Variants in INTS1 observed in about 807,000 individuals in gnomAD.
INTS1 encodes the protein integrator complex subunit 1.
Under a neutral mutation model 241.6 loss-of-function variants are expected in INTS1, and 137 were observed. The observed-to-expected ratio is 0.57, with a 90% CI of 0.49 to 0.65. The LOEUF (loss-of-function observed/expected upper bound fraction) is 0.65, where lower values mean the gene tolerates loss of function less well. Ranked by LOEUF, INTS1 falls within the 30% of genes least tolerant of loss-of-function variation. The pLI is 0.00. For missense variants in INTS1, 3,073 were observed against 3,032.2 expected, an observed-to-expected ratio of 1.01 and a Z score of -0.32; for synonymous variants, 1,692 against 1,337.8, an observed-to-expected ratio of 1.26 and a Z score of -5.78.
In INTS1 at chr7:1,496,279, C is replaced by T. The variant is rs200228256; in HGVS notation, c.1603-15G>A. On this transcript the variant is annotated splice_polypyrimidine_tract_variant and intron_variant, in intron 11 of 47. Coordinates refer to ENST00000404767, the MANE Select transcript of INTS1 (RefSeq NM_001080453.3). ...ACGAAGCGCTCCTGCAGGTGCAGCA[C>T]GGGGTCTGTATCCAGAAGGGACACC... 3.3e-4 allele frequency: 525 copies of T among 1,611,000 alleles called. 3 individuals carry two copies. In the African/African-American group the frequency reaches 6.0e-3, roughly 18 times the overall value.
intron 3 of INTS1, among the ~76,000 whole-genome samples, chr7:1,502,395 T>C (rs571103378): frequency 3.9e-5 from 6 of 152,112 alleles, no homozygotes; most frequent in Admixed American, 3.3e-4. Context: ...GGGACAGTGG[T>C]GAAGCTTACA....
chr7:1,500,047 GGGA>G, intron 4 of INTS1, 26 bp from the exon 5 acceptor site: 3 of 1,609,786 alleles, frequency 1.9e-6, no homozygotes, highest in Non-Finnish European at 2.5e-6. Context: ...CATGTCACGT[GGGA>G]GCTTCGCTGG....
intron 24 of INTS1, among the ~76,000 whole-genome samples, 152 bp from the exon 25 acceptor site, chr7:1,484,322 G>C (rs1312742716): frequency 2.0e-5 from 3 of 152,186 alleles, no homozygotes; most frequent in Non-Finnish European, 4.4e-5. Context: ...CGCCAGGGAA[G>C]ACGACCAGAG....
chr7:1,493,936 C>T lies in INTS1; in HGVS notation c.1911-25G>A, dbSNP rs1162258357. 3.9e-6 allele frequency: 6 copies of T among 1,544,826 alleles called. No homozygotes were observed. In the South Asian group the frequency reaches 4.8e-5, roughly 12 times the overall value. ...GCTGCGGGGTGGGGGAGGCATGACT[C>T]GGTGTGGGCTGCCCACACCTGCCAG... On this transcript the variant is annotated intron_variant, in intron 14 of 47. Coordinates refer to ENST00000404767, the MANE Select transcript of INTS1 (RefSeq NM_001080453.3). This position sits in a 1 kb window ranked among gnomAD's most constrained non-coding sequence, Gnocchi z 5.3.
At chr7:1,503,414 C>T (rs1783296696) in intron 2 of INTS1, among the ~76,000 whole-genome samples, 1 of 152,208 alleles carries the variant, frequency 6.6e-6, no homozygotes, top group African/African-American at 2.4e-5. Context: ...CAGGCCATCT[C>T]TGGTCTATCC....
chr7:1,483,889 C>G (rs376949907), intron 25 of INTS1, 36 bp from the exon 26 acceptor site: 14 of 1,596,224 alleles, frequency 8.8e-6, no homozygotes, highest in Non-Finnish European at 1.1e-5. Context: ...CCGTAAGGTT[C>G]AGGGACCCTG....
At position 1,481,012 on chromosome 7, in the gene INTS1, G is replaced by A. The variant is rs1034538609; in HGVS notation, c.3851-79C>T. Reference sequence around the variant, plus strand: ...TCCTTCCCTCTCCACAGAAACCAGAGTTGGAGATGCCCCCACCGTCACCAG... The same window carrying A: ...TCCTTCCCTCTCCACAGAAACCAGAATTGGAGATGCCCCCACCGTCACCAG... On this transcript the variant is annotated intron_variant, in intron 28 of 47. Transcript: ENST00000404767. This position sits in a 1 kb window ranked among gnomAD's most constrained non-coding sequence, Gnocchi z 6.8. 1.9e-6 allele frequency: 2 copies of A among 1,051,032 alleles called. No homozygotes were observed. Among genetic ancestry groups the A allele is most frequent in the African/African-American group, 3.1e-5 (2 of 63,628 alleles). 65.1% of individuals were successfully genotyped at this position (1,051,032 alleles called of 1,614,324 possible).
chr7:1,496,433 C>T, intron 11 of INTS1, among the ~76,000 whole-genome samples, 169 bp from the exon 12 acceptor site: 1 of 144,566 alleles, frequency 6.9e-6, no homozygotes, highest in African/African-American at 2.6e-5. Flanking sequence ...CACCCGGGAG[C>T]CCCACTCCAC....
At chr7:1,496,845 C>T (rs552249159) in intron 11 of INTS1, among the ~76,000 whole-genome samples, 61 of 152,296 alleles carry the variant, frequency 4.0e-4, no homozygotes, top group Non-Finnish European at 6.5e-4. Flanking sequence ...CCCGCAGCCC[C>T]ACCCTGCCTC....
In INTS1 at chr7:1,497,325, G is replaced by A. The variant is rs1234280998; in HGVS notation, c.1426-11C>T. On this transcript the variant is annotated splice_polypyrimidine_tract_variant and intron_variant, in intron 10 of 47. Transcript: ENST00000404767. The surrounding 1 kb of genome is among the most constrained non-coding windows in gnomAD (Gnocchi z 5.3). ...CACCATGGCCAGGAACTGGGGCAGA[G>A]AGAGGCCGCGTGGGAGGCTGCCCGA... 6.2e-7 allele frequency: 1 copy of A among 1,608,962 alleles called. No homozygotes were observed. Among genetic ancestry groups the A allele is most frequent in the Non-Finnish European group, 8.5e-7 (1 of 1,177,476 alleles).
rs1281837802 is a variant in INTS1, at chr7:1,480,372, C to T, written c.4019G>A (p.Gly1340Glu). ...AGGGCCCAGCACCCGGAGCTGGGTC[C>T]CCACCCGAATCCGGCCCTGGCCTAT... ...QPIGQGRIRV[G>E]TQLRVLGPED... Residue 1340 changes from glycine to glutamate, a missense_variant, in exon 30 of 48, where the codon GGG (glycine) becomes GAG (glutamate). Gly to Glu is a moderately conservative substitution (Grantham distance 98). Transcript: ENST00000404767. 5 of 1,612,472 alleles carry T rather than the reference C, an allele frequency of 3.1e-6. No individual in the cohort carries two copies. Among genetic ancestry groups the T allele is most frequent in the Middle Eastern group, 1.8e-4 (1 of 5,540 alleles).
In INTS1 at chr7:1,479,415, C is replaced by T. The variant is rs762436384; in HGVS notation, c.4329+15G>A. On this transcript the variant is annotated intron_variant, in intron 31 of 47. Coordinates refer to ENST00000404767, the MANE Select transcript of INTS1 (RefSeq NM_001080453.3). ...CACTGCCCTCCTCCCCCGCAAGAGG[C>T]CCACGCCCAAGTACCTGGTACTGGC... 7.7e-6 allele frequency: 12 copies of T among 1,563,968 alleles called. No homozygotes were observed. In the South Asian group the frequency reaches 1.3e-4, roughly 17 times the overall value.
Position 1,476,868 on chromosome 7 carries a change from G to A in INTS1, c.4989C>T (p.Leu1663=), listed in dbSNP as rs745572417. 3 of 1,612,786 alleles carry A rather than the reference G, an allele frequency of 1.9e-6. No homozygotes were observed. Among genetic ancestry groups the A allele is most frequent in the South Asian group, 2.2e-5 (2 of 91,050 alleles). The change falls in exon 36 of 48, where the codon CTC becomes CTT. Residue 1663 remains leucine, a synonymous_variant. Transcript: ENST00000404767. ...VPSFRPYLLT[L]FTHQSSWPTL... is the part of the protein sequence containing the mutation. ...TGGGCCAGCTGGACTGATGCGTGAA[G>A]AGGGTCAGGAGGTAGGGACGGAACG...
At chr7:1,492,661 G>C (rs1375753913) in intron 16 of INTS1, among the ~76,000 whole-genome samples, 1 of 152,224 alleles carries the variant, frequency 6.6e-6, no homozygotes, top group Non-Finnish European at 1.5e-5. Context: ...TTAAACACAG[G>C]AGAAAAAGGT....
chr7:1,473,513 C>A (rs376504349), intron 42 of INTS1, 53 bp downstream of exon 42: 1 of 1,548,964 alleles, frequency 6.5e-7, no homozygotes. Context: ...CTCCAGACCC[C>A]GCTGGACCCT....
chr7:1,498,503 A>C lies in INTS1; in HGVS notation c.1334T>G (p.Val445Gly), dbSNP rs758347616. 8 of 1,613,788 alleles carry C rather than the reference A, an allele frequency of 5.0e-6. No individual in the cohort carries two copies. Among genetic ancestry groups the C allele is most frequent in the Non-Finnish European group, 5.9e-6 (7 of 1,179,872 alleles). Residue 445 changes from valine to glycine, a missense_variant, in exon 10 of 48, where the codon GTG becomes GGG. By Grantham distance (109) the Val-to-Gly change is moderately radical. Coordinates refer to ENST00000404767, the MANE Select transcript of INTS1 (RefSeq NM_001080453.3). Reference protein sequence around the residue: ...KDNLGTTIKLVIFNELSSARN... With the variant: ...KDNLGTTIKLGIFNELSSARN... ...GGCGCTGGAGAGCTCATTGAAGATCACCAACTTGATGGTGGTGCCCAGGTT... is the reference window on the plus strand; with the variant it reads ...GGCGCTGGAGAGCTCATTGAAGATCCCCAACTTGATGGTGGTGCCCAGGTT...
chr7:1,481,173 T>G lies in INTS1; in HGVS notation c.3850+169A>C, dbSNP rs549280354. 28 of 841,644 alleles carry G rather than the reference T, an allele frequency of 3.3e-5. No individual in the cohort carries two copies. Among genetic ancestry groups the G allele is most frequent in the Non-Finnish European group, 5.4e-5 (28 of 516,780 alleles). 52.1% of individuals were successfully genotyped at this position (841,644 alleles called of 1,614,324 possible). ...GCAGGCCCAGGCCTCGGCTCCCTCC[T>G]GACTGTGCCAGCCTCACCAACCCAC... On this transcript the variant is annotated intron_variant, in intron 28 of 47. Transcript: ENST00000404767. The surrounding 1 kb of genome is among the most constrained non-coding windows in gnomAD (Gnocchi z 6.8).
intron 44 of INTS1, 97 bp downstream of exon 44, chr7:1,472,176 C>T (rs529271436): frequency 5.3e-5 from 50 of 941,396 alleles, no homozygotes; most frequent in South Asian, 3.5e-4. Flanking sequence ...GCCAGGCTCA[C>T]GCCAAAGTCA....
At position 1,482,612 on chromosome 7, in the gene INTS1, G is replaced by A. The variant is rs1782049898; in HGVS notation, c.3637C>T (p.Leu1213=). 6.2e-7 allele frequency: 1 copy of A among 1,612,770 alleles called. No individual in the cohort carries two copies. The highest frequency in any genetic ancestry group is 1.1e-5 in the South Asian group (1 of 91,094). ...AGCTTCAGCCAGTCAGGAAGCAGCA[G>A]CGCCTCCTCCGATGTGTCCACCAGG... ...AFLVDTSEEA[L]LLPDWLKLRM... Residue 1213 remains leucine, a synonymous_variant, in exon 27 of 48, where the codon CTG becomes TTG. Transcript: ENST00000404767.
Sources: allele counts gnomAD v4.1 joint callset (sites outside exome capture counted in the v4.1 genomes callset), GRCh38; gene constraint gnomAD v4.1.1; non-coding constraint Gnocchi (gnomAD v3.1); transcripts MANE v1.5; gene names NCBI Gene and HGNC (gene_info 2026-07-23, HGNC 2026-07-21).